Variants in HSD17B4 observed in about 807,000 individuals in gnomAD.
HSD17B4 encodes the protein hydroxysteroid 17-beta dehydrogenase 4.
A neutral mutation model predicts 101.0 loss-of-function variants in HSD17B4; 70 were observed. The observed-to-expected ratio is 0.69, with a 90% CI of 0.57 to 0.85. The LOEUF is 0.85. Among genes scored for constraint, HSD17B4 ranks in the 40% least tolerant of loss-of-function variants. The pLI is 0.00. For synonymous variants in HSD17B4, 347 were observed against 297.1 expected, an observed-to-expected ratio of 1.17 and a Z score of -1.73; for missense variants, 984 against 892.4, an observed-to-expected ratio of 1.10 and a Z score of -1.31.
Position 119,479,040 on chromosome 5 carries a change from A to T in HSD17B4, c.622+19A>T, listed in dbSNP as rs752455947. ...CCTGAAGGTAAGTAAGCAAGCTTATATTTTTCAGTGCTGTTACTTACAAAC... is the reference window on the plus strand; with the variant it reads ...CCTGAAGGTAAGTAAGCAAGCTTATTTTTTTCAGTGCTGTTACTTACAAAC... On this transcript the variant is annotated intron_variant, in intron 8 of 23. Coordinates refer to ENST00000510025, the MANE Select transcript of HSD17B4 (RefSeq NM_000414.4). 3.8e-6 allele frequency: 6 copies of T among 1,585,156 alleles called. No homozygotes were observed. Among genetic ancestry groups the T allele is most frequent in the Non-Finnish European group, 5.2e-6 (6 of 1,153,852 alleles).
At chr5:119,538,008 C>A (rs1561495728) in intron 23 of HSD17B4, among the ~76,000 whole-genome samples, 2 of 152,090 alleles carry the variant, frequency 1.3e-5, no homozygotes, top group African/African-American at 4.8e-5. Context: ...AATACAAAGG[C>A]CTGCCGTGCG....
chr5:119,540,359 C>A (rs1040690176), intron 23 of HSD17B4, among the ~76,000 whole-genome samples: 31 of 152,020 alleles, frequency 2.0e-4, no homozygotes, highest in African/African-American at 7.3e-4. Context: ...AGTTTGGAAA[C>A]TGGCAATATG....
At chr5:119,514,192 C>A (rs376533462) in intron 16 of HSD17B4, among the ~76,000 whole-genome samples, 38 of 151,784 alleles carry the variant, frequency 2.5e-4, no homozygotes, top group African/African-American at 9.2e-4. Flanking sequence ...GAAGCAGCAA[C>A]TTCCCTCATG....
At chr5:119,477,069 G>A (rs1368518353) in intron 6 of HSD17B4, among the ~76,000 whole-genome samples, 1 of 152,054 alleles carries the variant, frequency 6.6e-6, no homozygotes, top group Non-Finnish European at 1.5e-5. Flanking sequence ...CTTAACTGAT[G>A]TTAGTGTTGG....
chr5:119,469,701 A>T (rs1289856855), intron 2 of HSD17B4, among the ~76,000 whole-genome samples: 1 of 152,198 alleles, frequency 6.6e-6, no homozygotes, highest in East Asian at 1.9e-4. Flanking sequence ...TTGTGTGTCT[A>T]GTAGAACAGT....
chr5:119,523,231 A>T (rs965195204), intron 17 of HSD17B4, among the ~76,000 whole-genome samples: 5 of 152,146 alleles, frequency 3.3e-5, no homozygotes, highest in African/African-American at 1.2e-4. Context: ...CAATTTTAAA[A>T]AATCAAATTA....
At chr5:119,463,655 CTTTTT>C (rs57252147) in intron 2 of HSD17B4, among the ~76,000 whole-genome samples, 2 of 29,688 alleles carry the variant, frequency 6.7e-5, no homozygotes, top group Non-Finnish European at 1.6e-4. Context: ...ATTTATATGT[CTTTTT>C]TTTTTTTTTT....
At chr5:119,488,538 C>A (rs1043328432) in intron 8 of HSD17B4, among the ~76,000 whole-genome samples, 1 of 152,042 alleles carries the variant, frequency 6.6e-6, no homozygotes, top group Non-Finnish European at 1.5e-5. Flanking sequence ...GATGGATATA[C>A]CAGTTACCCT....
intron 2 of HSD17B4, chr5:119,456,785 T>C (rs1174116159): frequency 5.1e-6 from 1 of 195,294 alleles, no homozygotes; most frequent in Non-Finnish European, 1.1e-5. Flanking sequence ...ATTTATTGTA[T>C]AAAAGGAAAT....
chr5:119,513,748 C>T (rs1470175350), intron 16 of HSD17B4, among the ~76,000 whole-genome samples: 4 of 152,092 alleles, frequency 2.6e-5, no homozygotes, highest in African/African-American at 7.2e-5. Context: ...TCACTTGTTG[C>T]TTTGAGAAAA....
At chr5:119,537,873 A>G (rs1346730707) in intron 23 of HSD17B4, among the ~76,000 whole-genome samples, 1 of 152,184 alleles carries the variant, frequency 6.6e-6, no homozygotes, top group African/African-American at 2.4e-5. Flanking sequence ...AGAATGTGAC[A>G]GGACAGGGGA....
At position 119,529,891 on chromosome 5, in the gene HSD17B4, A is replaced by G. The variant is rs1753910809; in HGVS notation, c.1768-3A>G. 4 of 1,565,178 alleles carry G rather than the reference A, an allele frequency of 2.6e-6. No homozygotes were observed. The highest frequency in any genetic ancestry group is 1.1e-5 in the South Asian group (1 of 90,166). ...AATCTTTTTTTTTTCTTCTCCTCCT[A>G]AGGTCCAAGAAACTGGAGACATTGT... On this transcript the variant is annotated splice_polypyrimidine_tract_variant and splice_region_variant and intron_variant, in intron 20 of 23. Transcript: ENST00000510025.
intron 17 of HSD17B4, among the ~76,000 whole-genome samples, chr5:119,517,211 C>A (rs61363907): frequency 6.6e-6 from 1 of 152,102 alleles, no homozygotes; most frequent in Non-Finnish European, 1.5e-5. Context: ...AGCTGGCCGG[C>A]CCTGCTGGCC....
chr5:119,486,879 T>C (rs1365613422), intron 8 of HSD17B4, among the ~76,000 whole-genome samples: 2 of 152,164 alleles, frequency 1.3e-5, no homozygotes, highest in African/African-American at 4.8e-5. Flanking sequence ...CCATTGTAGT[T>C]CAAATCTGCT....
intron 17 of HSD17B4, among the ~76,000 whole-genome samples, chr5:119,521,974 A>C (rs1028812552): frequency 1.3e-5 from 2 of 151,306 alleles, no homozygotes; most frequent in Non-Finnish European, 2.9e-5. Flanking sequence ...TCTAGGGTAC[A>C]TGTGCACAAT....
rs1055643070 is a variant in HSD17B4 at position 119,474,381 on chromosome 5, C to G, written c.221-20C>G. ...GAAGGGAGGTTGCCGAAATTTCATA[C>G]AAATTTTCCTTTCCCTCAGATTCAG... On this transcript the variant is annotated intron_variant, in intron 3 of 23. Coordinates refer to ENST00000510025, the MANE Select transcript of HSD17B4 (RefSeq NM_000414.4). 7.6e-6 allele frequency: 12 copies of G among 1,575,680 alleles called. No homozygotes were observed. The highest frequency in any genetic ancestry group is 1.3e-5 in the African/African-American group (1 of 74,130).
At chr5:119,525,403 TTTTA>T (rs1753497052) in intron 18 of HSD17B4, 118 bp downstream of exon 18, 4 of 718,806 alleles carry the variant, frequency 5.6e-6, no homozygotes, top group African/African-American at 1.8e-5. Flanking sequence ...AAAAATGTTA[TTTTA>T]TTTATTACAT....
chr5:119,470,170 C>G (rs779741522), intron 2 of HSD17B4, among the ~76,000 whole-genome samples: 17 of 151,786 alleles, frequency 1.1e-4, no homozygotes, highest in African/African-American at 3.9e-4. Context: ...CTGGTGGCAG[C>G]GTCCCCATTG....
chr5:119,540,917 G>GTGCC, intron 23 of HSD17B4, among the ~76,000 whole-genome samples: 1 of 152,122 alleles, frequency 6.6e-6, no homozygotes, highest in South Asian at 2.1e-4. Flanking sequence ...AACTGCTGAT[G>GTGCC]TGCCCACTTC....
Sources: allele counts gnomAD v4.1 joint callset (sites outside exome capture counted in the v4.1 genomes callset), GRCh38; gene constraint gnomAD v4.1.1; transcripts MANE v1.5; gene names NCBI Gene and HGNC (gene_info 2026-07-23, HGNC 2026-07-21).